GADL1: variants seen among roughly 807,000 people sequenced by gnomAD.
GADL1 encodes GAD like acidic amino acid decarboxylase 1, also known as acidic amino acid decarboxylase GADL1.
A neutral mutation model predicts 69.5 loss-of-function variants in GADL1; 71 were observed. The ratio of observed to expected loss-of-function variants is 1.02; its 90% CI spans 0.84 to 1.25. The LOEUF (loss-of-function observed/expected upper bound fraction) is 1.25. Ranked by LOEUF, GADL1 falls within the 50% of genes most tolerant of loss-of-function variation. GADL1 has a pLI of 0.00. For synonymous variants in GADL1, 254 were observed against 214.4 expected, an observed-to-expected ratio of 1.18 and a Z score of -1.62; for missense variants, 737 against 631.8, an observed-to-expected ratio of 1.17 and a Z score of -1.79.
chr3:30,853,461 T>C (rs1215590143), intron 4 of GADL1, among the ~76,000 whole-genome samples: 1 of 152,216 alleles, frequency 6.6e-6, no homozygotes, highest in African/African-American at 2.4e-5. Flanking sequence ...CTTAAGTTTA[T>C]ACCTTTCATA....
chr3:30,827,895 C>T (rs1355435259), intron 11 of GADL1, among the ~76,000 whole-genome samples: 1 of 151,880 alleles, frequency 6.6e-6, no homozygotes, highest in Non-Finnish European at 1.5e-5. Flanking sequence ...CTCTCTCCTA[C>T]AAGTCAAATG....
chr3:30,745,587 G>A (rs1216185453), intron 14 of GADL1, among the ~76,000 whole-genome samples: 2 of 152,136 alleles, frequency 1.3e-5, no homozygotes, highest in Admixed American at 1.3e-4. Context: ...CTCAGATTGA[G>A]ACATCAAATT....
chr3:30,860,057 C>T (rs538593875), intron 2 of GADL1, among the ~76,000 whole-genome samples: 14 of 151,924 alleles, frequency 9.2e-5, no homozygotes, highest in South Asian at 2.1e-4. Flanking sequence ...TATTGACCTT[C>T]CTGCTTTCTT....
intron 13 of GADL1, among the ~76,000 whole-genome samples, chr3:30,778,488 T>G (rs1643957590): frequency 6.6e-6 from 1 of 152,208 alleles, no homozygotes; most frequent in South Asian, 2.1e-4. Context: ...CTCTTTCATC[T>G]TAAATGTGCA....
At chr3:30,833,506 T>C (rs755440899) in intron 11 of GADL1, among the ~76,000 whole-genome samples, 2 of 152,204 alleles carry the variant, frequency 1.3e-5, no homozygotes, top group Non-Finnish European at 2.9e-5. Flanking sequence ...AGCAGAAGTT[T>C]CAAGATAACT....
chr3:30,882,758 A>G (rs1316877595), intron 1 of GADL1, among the ~76,000 whole-genome samples: 3 of 151,970 alleles, frequency 2.0e-5, no homozygotes, highest in Non-Finnish European at 4.4e-5. Flanking sequence ...CATAGCAGTT[A>G]CACCATTGTA....
intron 12 of GADL1, among the ~76,000 whole-genome samples, chr3:30,792,723 C>T (rs1266813360): frequency 6.6e-6 from 1 of 152,194 alleles, no homozygotes; most frequent in African/African-American, 2.4e-5. Flanking sequence ...ACAGCTGCTA[C>T]AGCTCCATAT....
Position 30,728,277 on chromosome 3 carries a change from G to A in GADL1, c.1531C>T (p.Leu511=), listed in dbSNP as rs867020341. 3.7e-6 allele frequency: 6 copies of A among 1,613,720 alleles called. No homozygotes were observed. In the African/African-American group the frequency reaches 5.3e-5, roughly 14 times the overall value. Residue 511 remains leucine (L), a synonymous_variant, in exon 15 of 15, where the codon CTG becomes TTG. Coordinates refer to ENST00000282538, the MANE Select transcript of GADL1 (RefSeq NM_207359.3). ...TTACCCAGTAAGTCTATCTCATCCAGGAGGAAGTCCATGTCCTCCCGGCTC... is the reference window on the plus strand; with the variant it reads ...TTACCCAGTAAGTCTATCTCATCCAAGAGGAAGTCCATGTCCTCCCGGCTC... ...QVSREDMDFL[L]DEIDLLGKDM
At chr3:30,763,291 G>A (rs888710621) in intron 14 of GADL1, among the ~76,000 whole-genome samples, 4 of 152,076 alleles carry the variant, frequency 2.6e-5, no homozygotes, top group Non-Finnish European at 4.4e-5. Context: ...AAGGTCAGGA[G>A]ATTGAGACCA....
intron 11 of GADL1, among the ~76,000 whole-genome samples, chr3:30,813,384 A>G (rs997142154): frequency 1.3e-5 from 2 of 152,040 alleles, no homozygotes; most frequent in African/African-American, 2.4e-5. Flanking sequence ...ATAGGCAGAC[A>G]TATAGAAATG....
chr3:30,775,681 G>A (rs983256279), intron 14 of GADL1, among the ~76,000 whole-genome samples: 1 of 152,058 alleles, frequency 6.6e-6, no homozygotes, highest in African/African-American at 2.4e-5. Flanking sequence ...AAGGGATGGA[G>A]AGTCCAAGAT....
intron 11 of GADL1, among the ~76,000 whole-genome samples, chr3:30,823,147 G>A (rs1478524261): frequency 6.6e-6 from 1 of 151,934 alleles, no homozygotes. Flanking sequence ...TAAACTACTG[G>A]GAGGTACAAT....
At chr3:30,816,523 T>A (rs199702558) in intron 11 of GADL1, among the ~76,000 whole-genome samples, 6,355 of 132,496 alleles carry the variant, frequency 0.048, 613 homozygotes, top group African/African-American at 0.16. Flanking sequence ...TATTCTTAAT[T>A]TGTTTTCTTT....
chr3:30,781,164 G>A (rs1045529181), intron 13 of GADL1, among the ~76,000 whole-genome samples: 3 of 151,456 alleles, frequency 2.0e-5, no homozygotes, highest in African/African-American at 4.9e-5. Flanking sequence ...AGCAGCAAGT[G>A]CATTGTCATA....
chr3:30,878,559 C>G (rs1239370113), intron 1 of GADL1, among the ~76,000 whole-genome samples: 1 of 151,910 alleles, frequency 6.6e-6, no homozygotes, highest in African/African-American at 2.4e-5. Context: ...ATACCCATCT[C>G]TTTTCCCTCT....
chr3:30,839,268 A>G (rs1697924541), intron 8 of GADL1, among the ~76,000 whole-genome samples, 155 bp from the exon 9 acceptor site: 1 of 152,054 alleles, frequency 6.6e-6, no homozygotes, highest in Non-Finnish European at 1.5e-5. Context: ...TTTTGTGAAT[A>G]TGTGGCCTCT....
At chr3:30,829,853 A>T (rs568651213) in intron 11 of GADL1, among the ~76,000 whole-genome samples, 26 of 151,954 alleles carry the variant, frequency 1.7e-4, no homozygotes, top group Non-Finnish European at 3.1e-4. Flanking sequence ...ATGAAAAATC[A>T]TAATTACAAA....
At chr3:30,750,095 C>T (rs552168361) in intron 14 of GADL1, among the ~76,000 whole-genome samples, 2 of 152,308 alleles carry the variant, frequency 1.3e-5, no homozygotes, top group Non-Finnish European at 2.9e-5. Flanking sequence ...CCTCCTCTTT[C>T]TCCTTCTTCA....
chr3:30,808,228 G>A (rs1174829546), intron 11 of GADL1, among the ~76,000 whole-genome samples: 1 of 151,944 alleles, frequency 6.6e-6, no homozygotes, highest in East Asian at 1.9e-4. Context: ...GGGCCCAGTG[G>A]CCTACGCCTG....
Sources: gnomAD v4.1 joint callset for allele counts (sites outside exome capture counted in the v4.1 genomes callset) on GRCh38, gnomAD v4.1.1 for gene constraint, MANE v1.5 for transcripts, NCBI Gene and HGNC (gene_info 2026-07-23, HGNC 2026-07-21) for gene names.